OPTN: variants seen among roughly 807,000 people sequenced by gnomAD.
The protein encoded by OPTN is optineurin.
In OPTN, 54 loss-of-function variants were observed where a neutral mutation model predicts 70.4. The ratio of observed to expected loss-of-function variants is 0.77; its 90% CI spans 0.62 to 0.96. The LOEUF (loss-of-function observed/expected upper bound fraction) is 0.96. Ranked by LOEUF, OPTN falls within the 40% of genes least tolerant of loss-of-function variation. The pLI is 0.00. For synonymous variants in OPTN, 256 were observed against 248.5 expected, an observed-to-expected ratio of 1.03 and a Z score of -0.28; for missense variants, 624 against 673.2, an observed-to-expected ratio of 0.93 and a Z score of 0.81.
At chr10:13,128,617 A>G (rs892165765) in intron 12 of OPTN, among the ~76,000 whole-genome samples, 5 of 139,652 alleles carry the variant, frequency 3.6e-5, no homozygotes, top group Non-Finnish European at 7.6e-5. Flanking sequence ...ATCTCGGCTC[A>G]TTGCAACCTC....
chr10:13,123,912 G>T (rs1833404826), intron 8 of OPTN, 83 bp from the exon 9 acceptor site: 2 of 961,456 alleles, frequency 2.1e-6, no homozygotes, highest in Non-Finnish European at 3.3e-6. Context: ...GCTACTAATG[G>T]TTCAGCCTGT....
rs1832937262 is a variant in OPTN, at chr10:13,109,164, C to G, written c.42C>G (p.Asp14Glu). Residue 14 changes from aspartate to glutamate, a missense_variant, in exon 3 of 15, where the codon GAC becomes GAG. Coordinates refer to ENST00000378747, the MANE Select transcript of OPTN (RefSeq NM_001008212.2). ...QPLSCLTEKEDSPSESTGNGP... is the reference protein window; with the variant it reads ...QPLSCLTEKEESPSESTGNGP... ...TCAGCTGCCTCACTGAAAAGGAGGA[C>G]AGCCCCAGTGAAAGCACAGGAAATG... 6.2e-7 allele frequency: 1 copy of G among 1,614,046 alleles called. No individual in the cohort carries two copies.
chr10:13,121,874 A>G (rs887745736), intron 7 of OPTN, among the ~76,000 whole-genome samples: 4 of 152,112 alleles, frequency 2.6e-5, no homozygotes, highest in Admixed American at 1.3e-4. Flanking sequence ...TGTTCAACCC[A>G]TTATCTTTAA....
At chr10:13,126,335 C>T (rs1262578703) in intron 11 of OPTN, among the ~76,000 whole-genome samples, 2 of 149,084 alleles carry the variant, frequency 1.3e-5, no homozygotes, top group African/African-American at 5.0e-5. Flanking sequence ...GGCTGGAGTG[C>T]AGTGGCGCGA....
intron 9 of OPTN, 72 bp from the exon 10 acceptor site, chr10:13,125,346 T>TG: frequency 6.6e-7 from 1 of 1,521,306 alleles, no homozygotes. Context: ...TACATAACCT[T>TG]GGGGTTTGTT....
chr10:13,110,493 A>AT lies in OPTN; in HGVS notation c.369+19dup. 1 of 1,575,212 alleles carries AT rather than the reference A, an allele frequency of 6.3e-7. No individual in the cohort carries two copies. The highest frequency in any genetic ancestry group is 1.1e-5 in the South Asian group (1 of 88,612). On this transcript the variant is annotated intron_variant, in intron 4 of 14. Coordinates refer to ENST00000378747, the MANE Select transcript of OPTN (RefSeq NM_001008212.2). ...TCATCTGAGGTGAGCAGACCGATCC[A>AT]TTGTGATGTTGTTTTTTTTTTTTCC...
rs536502741 is a variant in OPTN, at chr10:13,133,807, T to C, written c.1612+226T>C. On this transcript the variant is annotated intron_variant, in intron 14 of 14. Coordinates refer to ENST00000378747, the MANE Select transcript of OPTN (RefSeq NM_001008212.2). ...AGGTGCCTGGCACGGCCACACTTTT[T>C]CTTTTTTTTCTTTTTTTTTGAGACA... Among the ~76,000 whole-genome samples, 7 of 152,010 alleles carry C rather than the reference T, an allele frequency of 4.6e-5. No homozygotes were observed. In the South Asian group the frequency reaches 1.5e-3, roughly 32 times the overall value.
intron 14 of OPTN, 106 bp downstream of exon 14, chr10:13,133,687 A>G: frequency 1.0e-6 from 1 of 974,078 alleles, no homozygotes; most frequent in African/African-American, 1.6e-5. Context: ...AAATCAAGGC[A>G]CCAAAAATAT....
At chr10:13,102,301 C>T (rs1191772870) in intron 1 of OPTN, among the ~76,000 whole-genome samples, 1 of 152,112 alleles carries the variant, frequency 6.6e-6, no homozygotes, top group Non-Finnish European at 1.5e-5. Context: ...TGGGCCTGGG[C>T]CCTGAAAGGC....
Position 13,112,505 on chromosome 10 carries a change from A to G in OPTN, c.422A>G (p.Asp141Gly). The G allele has an allele frequency of 6.2e-7, 1 of 1,614,044 alleles. No individual in the cohort carries two copies. Residue 141 changes from aspartate to glycine, a missense_variant, in exon 5 of 15, where the codon GAC becomes GGC. Coordinates refer to ENST00000378747, the MANE Select transcript of OPTN (RefSeq NM_001008212.2). ...AGGGCCGAAGCGGAGCAGGAAAAGG[A>G]CCAGCTCAGGACCCAGGTGGTGAGG... ...LPRAEAEQEKDQLRTQVVRLQ... is the reference protein window; with the variant it reads ...LPRAEAEQEKGQLRTQVVRLQ...
intron 12 of OPTN, among the ~76,000 whole-genome samples, chr10:13,131,731 GTAATCAT>G (rs1564368523): frequency 6.6e-6 from 1 of 152,152 alleles, no homozygotes; most frequent in African/African-American, 2.4e-5. Flanking sequence ...ACTATATTAA[GTAATCAT>G]TTACTATATT....
At position 13,112,506 on chromosome 10, in the gene OPTN, C is replaced by A. The variant is rs377005430; in HGVS notation, c.423C>A (p.Asp141Glu). ...LPRAEAEQEK[D>E]QLRTQVVRLQ... ...GGGCCGAAGCGGAGCAGGAAAAGGA[C>A]CAGCTCAGGACCCAGGTGGTGAGGC... Residue 141 changes from aspartate (D) to glutamate (E), a missense_variant, in exon 5 of 15, where the codon GAC becomes GAA. Physicochemically the swap from Asp to Glu is conservative, Grantham distance 45. Transcript: ENST00000378747. 1.9e-6 allele frequency: 3 copies of A among 1,613,950 alleles called. No homozygotes were observed. The highest frequency in any genetic ancestry group is 2.5e-6 in the Non-Finnish European group (3 of 1,180,036).
intron 7 of OPTN, among the ~76,000 whole-genome samples, chr10:13,121,941 G>A (rs1308307889): frequency 1.3e-5 from 2 of 152,302 alleles, no homozygotes; most frequent in Non-Finnish European, 1.5e-5. Flanking sequence ...ATGATTTGGT[G>A]TTAAGAATGG....
intron 4 of OPTN, 26 bp from the exon 5 acceptor site, chr10:13,112,427 T>C (rs1833028737): frequency 6.2e-7 from 1 of 1,611,692 alleles, no homozygotes; most frequent in Non-Finnish European, 8.5e-7. Flanking sequence ...GATCTGTTCA[T>C]TCACTTTACT....
chr10:13,108,155 G>C lies in OPTN; in HGVS notation c.-146G>C, dbSNP rs921206032. 6.6e-6 allele frequency: 1 copy of C among 152,190 alleles called. No homozygotes were observed. The highest frequency in any genetic ancestry group is 2.4e-5 in the African/African-American group (1 of 41,432). 9.4% of individuals were successfully genotyped at this position (152,190 alleles called of 1,614,324 possible). On this transcript the variant is annotated 5_prime_UTR_variant, in exon 2 of 15. Coordinates refer to ENST00000378747, the MANE Select transcript of OPTN (RefSeq NM_001008212.2). ...TTTACAAGGTGTGGCTTTGATAGCT[G>C]GTGGTGCCACTTCCTGGCCTTGGAT...
intron 6 of OPTN, chr10:13,116,603 A>G: frequency 1.9e-6 from 1 of 525,442 alleles, no homozygotes; most frequent in East Asian, 3.4e-5. Flanking sequence ...TGAAAAGTGA[A>G]AGCAAACTGG....
intron 4 of OPTN, among the ~76,000 whole-genome samples, chr10:13,111,206 G>T (rs1427942610): frequency 6.6e-6 from 1 of 152,050 alleles, no homozygotes; most frequent in Non-Finnish European, 1.5e-5. Flanking sequence ...TGGTGGGAAC[G>T]TTTTTTCCTT....
rs752001857 is a variant in OPTN, at chr10:13,110,325, C to T, written c.218C>T (p.Ser73Leu). Residue 73 changes from serine (S) to leucine (L), a missense_variant, in exon 4 of 15, where the codon TCG becomes TTG. Coordinates refer to ENST00000378747, the MANE Select transcript of OPTN (RefSeq NM_001008212.2). ...ATGAAAGGGAGATTTGAGGAGCTTT[C>T]GGCCTGGACAGAGAAACAGAAGGAA... ...QAMKGRFEELSAWTEKQKEER... is the reference protein window; with the variant it reads ...QAMKGRFEELLAWTEKQKEER... The T allele has an allele frequency of 2.0e-5, 32 of 1,613,916 alleles. 1 individual carries two copies. The Middle Eastern group carries it at 4.9e-4, about 25-fold the overall frequency.
rs1200521614 is a variant in OPTN, at chr10:13,127,819, CA to C, written c.1320del (p.Lys440AsnfsTer8). 5 of 1,613,872 alleles carry C rather than the reference CA, an allele frequency of 3.1e-6. No individual in the cohort carries two copies. Among genetic ancestry groups the C allele is most frequent in the Non-Finnish European group, 4.2e-6 (5 of 1,179,976 alleles). On this transcript the variant is annotated frameshift_variant, in exon 12 of 15. Transcript: ENST00000378747. LOFTEE classifies it high-confidence loss of function. ...LELAEKALAS[K>X]QLQMDEMKQT... is the part of the protein sequence containing the mutation. ...AACTGGCAGAGAAGGCTCTGGCTTC[CA>C]AACAGCTGCAAATGGATGAAATGAA...
Sources: gnomAD v4.1 joint callset for allele counts (sites outside exome capture counted in the v4.1 genomes callset) on GRCh38, gnomAD v4.1.1 for gene constraint, MANE v1.5 for transcripts, NCBI Gene and HGNC (gene_info 2026-07-23, HGNC 2026-07-21) for gene names.